Variants in RGS7 observed in about 807,000 individuals in gnomAD.
RGS7 encodes the protein regulator of G protein signaling 7, also known as regulator of G-protein signaling 7.
Under a neutral mutation model 81.1 loss-of-function variants are expected in RGS7, and 27 were observed. The observed-to-expected ratio is 0.33, with a 90% CI of 0.25 to 0.46. The LOEUF (loss-of-function observed/expected upper bound fraction) is 0.46. Ranked by LOEUF, RGS7 falls within the 20% of genes least tolerant of loss-of-function variation. The pLI is 1.00. For missense variants in RGS7, 396 were observed against 607.4 expected, an observed-to-expected ratio of 0.65 and a Z score of 3.66; for synonymous variants, 208 against 207.7, an observed-to-expected ratio of 1.00 and a Z score of -0.01.
At chr1:241,053,869 C>T (rs945783603) in intron 3 of RGS7, among the ~76,000 whole-genome samples, 2 of 152,086 alleles carry the variant, frequency 1.3e-5, no homozygotes, top group African/African-American at 2.4e-5. Context: ...CTTTCTTGTC[C>T]GCTACCATGT....
intron 18 of RGS7, among the ~76,000 whole-genome samples, chr1:240,786,547 T>C (rs1218820641): frequency 1.3e-5 from 2 of 152,184 alleles, no homozygotes; most frequent in African/African-American, 4.8e-5. Context: ...TTATTTCAGT[T>C]CTATGTACAT....
At chr1:240,785,475 T>C (rs1447201468) in intron 18 of RGS7, among the ~76,000 whole-genome samples, 3 of 152,224 alleles carry the variant, frequency 2.0e-5, no homozygotes, top group Admixed American at 6.5e-5. Context: ...TCATCTGGCC[T>C]GATGAAGTGA....
intron 5 of RGS7, among the ~76,000 whole-genome samples, chr1:240,932,564 A>C (rs1426980354): frequency 2.3e-5 from 3 of 130,596 alleles, no homozygotes; most frequent in African/African-American, 8.9e-5. Flanking sequence ...GCTGGAGTGC[A>C]GTGGTGCGGT....
At chr1:241,221,120 GGAAA>G (rs370749535) in intron 2 of RGS7, among the ~76,000 whole-genome samples, 85 of 136,704 alleles carry the variant, frequency 6.2e-4, no homozygotes, top group East Asian at 3.0e-3. Flanking sequence ...AGGAAGGGAG[GGAAA>G]GAAAGAAAGA....
chr1:240,803,924 A>G (rs1688414697), intron 15 of RGS7, among the ~76,000 whole-genome samples: 1 of 152,114 alleles, frequency 6.6e-6, no homozygotes, highest in Non-Finnish European at 1.5e-5. Context: ...CTTAAACACA[A>G]CAGCAATAAT....
At chr1:240,827,273 C>A (rs1693003792) in intron 9 of RGS7, 101 bp from the exon 10 acceptor site, 1 of 896,928 alleles carries the variant, frequency 1.1e-6, no homozygotes, top group Non-Finnish European at 1.9e-6. Context: ...AGCAAATGCC[C>A]CAATGACACA....
intron 9 of RGS7, among the ~76,000 whole-genome samples, chr1:240,832,633 C>T (rs911902265): frequency 7.9e-5 from 12 of 151,984 alleles, no homozygotes; most frequent in Non-Finnish European, 2.9e-5. Context: ...AGAAGGTACA[C>T]TTGTGTTCAA....
At chr1:241,008,526 C>T (rs1005413052) in intron 3 of RGS7, among the ~76,000 whole-genome samples, 7 of 152,142 alleles carry the variant, frequency 4.6e-5, no homozygotes, top group South Asian at 2.1e-4. Context: ...TGTAAATCAA[C>T]TCTGAGTGAC....
chr1:241,172,588 A>C (rs1572982975), intron 2 of RGS7, among the ~76,000 whole-genome samples: 1 of 152,316 alleles, frequency 6.6e-6, no homozygotes, highest in South Asian at 2.1e-4. Flanking sequence ...AGAATTGTCC[A>C]GGCTTTGAAT....
At chr1:241,143,329 C>T (rs2068065902) in intron 2 of RGS7, among the ~76,000 whole-genome samples, 1 of 152,168 alleles carries the variant, frequency 6.6e-6, no homozygotes, top group Non-Finnish European at 1.5e-5. Flanking sequence ...CATTTTCATG[C>T]TGCCGATAAT....
At chr1:241,073,092 C>A (rs2062574848) in intron 3 of RGS7, among the ~76,000 whole-genome samples, 2 of 152,152 alleles carry the variant, frequency 1.3e-5, no homozygotes. Context: ...TCACAGGTAT[C>A]TCCATGTTGA....
chr1:240,963,832 G>C (rs1222577703), intron 4 of RGS7, among the ~76,000 whole-genome samples: 1 of 152,178 alleles, frequency 6.6e-6, no homozygotes, highest in Admixed American at 6.5e-5. Flanking sequence ...GATATGGCTG[G>C]TTAAGATATA....
chr1:241,080,072 A>G (rs1275484545), intron 3 of RGS7, among the ~76,000 whole-genome samples: 1 of 152,168 alleles, frequency 6.6e-6, no homozygotes, highest in African/African-American at 2.4e-5. Flanking sequence ...TTATTCTTTC[A>G]GTAACAGTCC....
At chr1:240,921,691 C>A (rs191005762) in intron 6 of RGS7, among the ~76,000 whole-genome samples, 2 of 152,036 alleles carry the variant, frequency 1.3e-5, no homozygotes, top group African/African-American at 2.4e-5. Context: ...AGGCATACAT[C>A]TAACAAAGTA....
intron 2 of RGS7, among the ~76,000 whole-genome samples, chr1:241,165,234 C>T (rs1033003896): frequency 2.0e-4 from 31 of 152,108 alleles, no homozygotes; most frequent in Admixed American, 1.4e-3. Flanking sequence ...CTTAAACTAC[C>T]GATTTAATAA....
At position 240,920,722 on chromosome 1, in the gene RGS7, G is replaced by A. The variant is rs77214795; in HGVS notation, c.385+9995C>T. ...AGCACAGTGGTGGCAGGGCCTAGCT[G>A]CTACAAAGAAGACATGTTTTAGACA... On this transcript the variant is annotated intron_variant, in intron 6 of 18. Coordinates refer to ENST00000440928, the MANE Select transcript of RGS7 (RefSeq NM_001364886.1). 13 of 610,228 alleles carry A rather than the reference G, an allele frequency of 2.1e-5. No individual in the cohort carries two copies. The East Asian group carries it at 4.2e-4, about 20-fold the overall frequency. 37.8% of individuals were successfully genotyped at this position (610,228 alleles called of 1,614,324 possible).
intron 6 of RGS7, among the ~76,000 whole-genome samples, chr1:240,898,074 G>A (rs1416060429): frequency 6.6e-6 from 1 of 152,142 alleles, no homozygotes; most frequent in Non-Finnish European, 1.5e-5. Context: ...TTGCGTAGAG[G>A]TGTTTATAGT....
chr1:241,200,362 T>C (rs2073408478), intron 2 of RGS7, among the ~76,000 whole-genome samples: 1 of 152,202 alleles, frequency 6.6e-6, no homozygotes, highest in African/African-American at 2.4e-5. Flanking sequence ...TTAAAGGTAC[T>C]GCTCAATGAA....
At chr1:240,942,585 G>C (rs918704601) in intron 4 of RGS7, among the ~76,000 whole-genome samples, 5 of 152,118 alleles carry the variant, frequency 3.3e-5, no homozygotes, top group Non-Finnish European at 7.4e-5. Context: ...TATCAGTAGT[G>C]TGTGGGGAGA....
Sources: allele counts gnomAD v4.1 joint callset (sites outside exome capture counted in the v4.1 genomes callset), GRCh38; gene constraint gnomAD v4.1.1; transcripts MANE v1.5; gene names NCBI Gene and HGNC (gene_info 2026-07-23, HGNC 2026-07-21).